DKK2: variants seen among roughly 807,000 people sequenced by gnomAD.
DKK2 encodes the protein dickkopf-related protein 2.
DKK2 carries 11 observed loss-of-function variants against 28.1 expected under a neutral mutation model. That is an observed-to-expected ratio of 0.39 (90% CI 0.25 to 0.65). The LOEUF (loss-of-function observed/expected upper bound fraction) is 0.65. Among genes scored for constraint, DKK2 ranks in the 30% least tolerant of loss-of-function variants. The pLI is 0.47. For missense variants in DKK2, 326 were observed against 335.5 expected (o/e 0.97, Z 0.22); for synonymous variants, 135 against 126.5 (o/e 1.07, Z -0.45).
chr4:107,005,351 A>AC (rs1370027948), intron 1 of DKK2, among the ~76,000 whole-genome samples: 3 of 151,574 alleles, frequency 2.0e-5, no homozygotes, highest in Admixed American at 1.3e-4. Context: ...AAAAAAAAAA[A>AC]AAAAAAAAAA....
intron 1 of DKK2, among the ~76,000 whole-genome samples, chr4:106,934,181 A>T (rs903359438): frequency 1.3e-5 from 2 of 152,158 alleles, no homozygotes; most frequent in Admixed American, 1.3e-4. Flanking sequence ...ACCAGACAAG[A>T]TCAAGAACAG....
chr4:107,007,186 T>C (rs1298905594), intron 1 of DKK2, among the ~76,000 whole-genome samples: 1 of 152,156 alleles, frequency 6.6e-6, no homozygotes, highest in African/African-American at 2.4e-5. Flanking sequence ...ATAGGTGATT[T>C]GTTTGTGATG....
At chr4:106,992,383 G>A (rs902889778) in intron 1 of DKK2, among the ~76,000 whole-genome samples, 3 of 152,156 alleles carry the variant, frequency 2.0e-5, no homozygotes, top group Admixed American at 6.5e-5. Flanking sequence ...TGTGGTCTCT[G>A]GAATAGGAAC....
In DKK2 at chr4:106,938,675, CCAATATCCTTGATGAACATTGATG is replaced by C. The variant is rs1724640202; in HGVS notation, c.223-12750_223-12727del. Among the ~76,000 whole-genome samples the C allele has an allele frequency of 2.0e-5, 3 of 152,232 alleles. No individual in the cohort carries two copies. The South Asian group carries it at 6.2e-4, about 32-fold the overall frequency. On this transcript the variant is annotated intron_variant, in intron 1 of 3. Transcript: ENST00000285311. ...CACAACAAAAAAATAGAATTTTAGA[CCAATATCCTTGATGAACATTGATG>C]CAAAAATCCTCAACAAAATACTGGC...
At chr4:107,005,361 A>C (rs13118803) in intron 1 of DKK2, among the ~76,000 whole-genome samples, 1,497 of 149,186 alleles carry the variant, frequency 0.01, 23 homozygotes, top group Non-Finnish European at 0.014. Context: ...AAAAAAAAAA[A>C]CAAAAACAAA....
chr4:106,970,408 A>C (rs939643796), intron 1 of DKK2, among the ~76,000 whole-genome samples: 3 of 152,112 alleles, frequency 2.0e-5, no homozygotes, highest in Admixed American at 6.6e-5. Context: ...CTGCATGTTT[A>C]GAGTGATAAT....
chr4:106,934,532 T>C (rs1416823337), intron 1 of DKK2, among the ~76,000 whole-genome samples: 1 of 152,188 alleles, frequency 6.6e-6, no homozygotes, highest in Non-Finnish European at 1.5e-5. Flanking sequence ...CACACACATA[T>C]AATATACATA....
chr4:106,955,370 T>C (rs1722574592), intron 1 of DKK2, among the ~76,000 whole-genome samples: 1 of 152,168 alleles, frequency 6.6e-6, no homozygotes, highest in Admixed American at 6.5e-5. Context: ...TGTAAAGACA[T>C]TTTGTAAACA....
At chr4:107,031,146 C>T (rs1247175236) in intron 1 of DKK2, among the ~76,000 whole-genome samples, 2 of 151,864 alleles carry the variant, frequency 1.3e-5, no homozygotes, top group African/African-American at 2.4e-5. Flanking sequence ...AGGAAAGGAA[C>T]GTTAATGTAG....
intron 1 of DKK2, among the ~76,000 whole-genome samples, chr4:107,006,963 C>A (rs1231441191): frequency 6.6e-6 from 1 of 150,566 alleles, no homozygotes; most frequent in Admixed American, 6.6e-5. Context: ...TGTCGAACAT[C>A]GATAGACTCA....
At chr4:106,983,963 G>A (rs555645387) in intron 1 of DKK2, among the ~76,000 whole-genome samples, 2 of 152,174 alleles carry the variant, frequency 1.3e-5, no homozygotes, top group South Asian at 4.1e-4. Context: ...GAGAGCCCTC[G>A]GGCTGGTGAG....
chr4:106,936,339 T>C (rs1233119370), intron 1 of DKK2, among the ~76,000 whole-genome samples: 8 of 152,174 alleles, frequency 5.3e-5, no homozygotes, highest in East Asian at 3.9e-4. Flanking sequence ...CAGGAGCCGA[T>C]GCGATCAACT....
chr4:107,019,383 A>G (rs1240932094), intron 1 of DKK2, among the ~76,000 whole-genome samples: 3 of 152,008 alleles, frequency 2.0e-5, no homozygotes, highest in Non-Finnish European at 4.4e-5. Flanking sequence ...CTTTCCTGAC[A>G]TCATCCTTCC....
chr4:107,028,070 T>A (rs914789907), intron 1 of DKK2, among the ~76,000 whole-genome samples: 7 of 152,172 alleles, frequency 4.6e-5, no homozygotes, highest in African/African-American at 1.7e-4. Context: ...ATTGTTAACA[T>A]CTGAGGTACC....
chr4:106,936,812 C>T (rs1724596791), intron 1 of DKK2, among the ~76,000 whole-genome samples: 1 of 151,900 alleles, frequency 6.6e-6, no homozygotes, highest in African/African-American at 2.4e-5. Context: ...GGCCAATATT[C>T]AACATTCTTA....
intron 1 of DKK2, among the ~76,000 whole-genome samples, chr4:107,003,935 G>A (rs181361360): frequency 1.7e-3 from 263 of 152,196 alleles, no homozygotes; most frequent in Non-Finnish European, 2.7e-3. Flanking sequence ...AAATTCATCC[G>A]GATGGAATTT....
At chr4:106,978,051 T>A (rs970866091) in intron 1 of DKK2, among the ~76,000 whole-genome samples, 1 of 152,208 alleles carries the variant, frequency 6.6e-6, no homozygotes, top group Admixed American at 6.5e-5. Flanking sequence ...CCTGTTTGCC[T>A]GGATATCACC....
chr4:107,035,706 G>T lies in DKK2; in HGVS notation c.-115C>A. The T allele has an allele frequency of 9.4e-7, 1 of 1,064,110 alleles. No homozygotes were observed. The highest frequency in any genetic ancestry group is 1.4e-6 in the Non-Finnish European group (1 of 725,094). 65.9% of individuals were successfully genotyped at this position (1,064,110 alleles called of 1,614,324 possible). ...TGGGTCGCGGGGGCTTGCAGATTGT[G>T]TTCCCTCAACCCTTCCTGGTTCGGG... On this transcript the variant is annotated 5_prime_UTR_variant, in exon 1 of 4. Coordinates refer to ENST00000285311, the MANE Select transcript of DKK2 (RefSeq NM_014421.3).
intron 1 of DKK2, among the ~76,000 whole-genome samples, chr4:107,012,783 C>T (rs1723534960): frequency 6.6e-6 from 1 of 151,068 alleles, no homozygotes; most frequent in African/African-American, 2.4e-5. Context: ...TTTAAAATAA[C>T]ACTTTTCAGA....
Sources: allele counts gnomAD v4.1 joint callset (sites outside exome capture counted in the v4.1 genomes callset), GRCh38; gene constraint gnomAD v4.1.1; transcripts MANE v1.5; gene names NCBI Gene and HGNC (gene_info 2026-07-23, HGNC 2026-07-21).